GULP1: variants seen among roughly 807,000 people sequenced by gnomAD.
The protein encoded by GULP1 is GULP PTB domain containing engulfment adaptor 1.
In GULP1, 19 loss-of-function variants were observed where a neutral mutation model predicts 40.9. That is an observed-to-expected ratio of 0.46 (90% CI 0.32 to 0.68). The LOEUF (loss-of-function observed/expected upper bound fraction) is 0.68. Among genes scored for constraint, GULP1 ranks in the 30% least tolerant of loss-of-function variants. The pLI is 0.03. For missense variants in GULP1, 312 were observed against 362.2 expected (o/e 0.86, Z 1.12); for synonymous variants, 119 against 117.6 (o/e 1.01, Z -0.08).
chr2:188,527,443 C>A (rs1686454742), intron 5 of GULP1, among the ~76,000 whole-genome samples: 1 of 152,014 alleles, frequency 6.6e-6, no homozygotes, highest in African/African-American at 2.4e-5. Flanking sequence ...TGAAAACCTT[C>A]AAATTGCTTA....
intron 1 of GULP1, among the ~76,000 whole-genome samples, chr2:188,374,639 T>G (rs892259956): frequency 1.3e-5 from 2 of 152,136 alleles, no homozygotes; most frequent in African/African-American, 4.8e-5. Context: ...TTATTTTAAC[T>G]TATTCCACAT....
intron 2 of GULP1, among the ~76,000 whole-genome samples, chr2:188,465,626 T>C (rs1200115497): frequency 6.6e-6 from 1 of 152,116 alleles, no homozygotes. Flanking sequence ...TTCCAAACAC[T>C]GGGATTGGCA....
intron 1 of GULP1, among the ~76,000 whole-genome samples, chr2:188,369,350 G>T (rs551734915): frequency 1.3e-5 from 2 of 151,582 alleles, no homozygotes; most frequent in Non-Finnish European, 2.9e-5. Context: ...ATGTTAAGGA[G>T]ACCAGACAGA....
intron 5 of GULP1, among the ~76,000 whole-genome samples, chr2:188,524,486 A>C (rs899716968): frequency 9.2e-5 from 14 of 151,980 alleles, no homozygotes; most frequent in Non-Finnish European, 1.0e-4. Flanking sequence ...TTAATAAGCA[A>C]TTTTACTGTG....
At chr2:188,409,701 A>C (rs554462694) in intron 2 of GULP1, among the ~76,000 whole-genome samples, 4 of 152,312 alleles carry the variant, frequency 2.6e-5, no homozygotes, top group African/African-American at 9.6e-5. Context: ...TGGATGTAAA[A>C]ATTCTCAACA....
At chr2:188,336,836 G>A (rs910768767) in intron 1 of GULP1, among the ~76,000 whole-genome samples, 2 of 152,176 alleles carry the variant, frequency 1.3e-5, no homozygotes, top group East Asian at 1.9e-4. Context: ...AGGAGACAAG[G>A]TGAGAAGTTG....
chr2:188,554,038 C>A (rs981717748), intron 7 of GULP1, among the ~76,000 whole-genome samples: 15 of 151,834 alleles, frequency 9.9e-5, no homozygotes, highest in Admixed American at 9.9e-4. Flanking sequence ...TTTAGATATT[C>A]TCTCTTCTTG....
chr2:188,328,570 A>G, intron 1 of GULP1, among the ~76,000 whole-genome samples: 1 of 152,148 alleles, frequency 6.6e-6, no homozygotes, highest in Admixed American at 6.6e-5. Context: ...TTTCACAAGT[A>G]AAACAGATGT....
chr2:188,302,251 A>C (rs1263711571), intron 1 of GULP1, among the ~76,000 whole-genome samples: 1 of 152,140 alleles, frequency 6.6e-6, no homozygotes, highest in Non-Finnish European at 1.5e-5. Flanking sequence ...ATTTATTTTA[A>C]AATGAATAAA....
At chr2:188,473,709 G>A (rs1290988870) in intron 2 of GULP1, among the ~76,000 whole-genome samples, 1 of 152,112 alleles carries the variant, frequency 6.6e-6, no homozygotes, top group Non-Finnish European at 1.5e-5. Context: ...GTCCAGAAAT[G>A]TTGTGCAAGA....
At chr2:188,294,395 T>A (rs2034470995) in intron 1 of GULP1, 1 of 152,198 alleles carries the variant, frequency 6.6e-6, no homozygotes, top group African/African-American at 2.4e-5. Flanking sequence ...AAGTAAAAGG[T>A]GAGATGATCT....
At chr2:188,484,561 A>G (rs1212888640) in intron 4 of GULP1, among the ~76,000 whole-genome samples, 1 of 152,082 alleles carries the variant, frequency 6.6e-6, no homozygotes, top group Non-Finnish European at 1.5e-5. Flanking sequence ...TCTTTATAAG[A>G]GAACTTAAAC....
At chr2:188,514,265 T>G (rs2064954261) in intron 4 of GULP1, among the ~76,000 whole-genome samples, 1 of 152,208 alleles carries the variant, frequency 6.6e-6, no homozygotes, top group South Asian at 2.1e-4. Flanking sequence ...TGTTTAACAT[T>G]GGAAGTATTT....
intron 7 of GULP1, among the ~76,000 whole-genome samples, chr2:188,556,104 T>G (rs1694692967): frequency 6.6e-6 from 1 of 151,994 alleles, no homozygotes. Flanking sequence ...AGGTTTTCAT[T>G]GACTATTTCA....
intron 2 of GULP1, among the ~76,000 whole-genome samples, chr2:188,397,636 T>C (rs919310813): frequency 6.6e-6 from 1 of 152,230 alleles, no homozygotes; most frequent in Non-Finnish European, 1.5e-5. Flanking sequence ...TTATGAATTA[T>C]CTCACAGTTC....
intron 7 of GULP1, among the ~76,000 whole-genome samples, chr2:188,564,043 A>G (rs1010373865): frequency 3.9e-5 from 6 of 152,038 alleles, no homozygotes; most frequent in Non-Finnish European, 8.8e-5. Context: ...GCAAGTACAG[A>G]AAAGCCACTA....
chr2:188,349,674 A>T (rs1158913082), intron 1 of GULP1, among the ~76,000 whole-genome samples: 1 of 152,114 alleles, frequency 6.6e-6, no homozygotes, highest in Non-Finnish European at 1.5e-5. Flanking sequence ...CACTTTCTTG[A>T]TGTGGTCCTG....
chr2:188,455,945 T>C (rs1363833888), intron 2 of GULP1, among the ~76,000 whole-genome samples: 2 of 152,286 alleles, frequency 1.3e-5, no homozygotes, highest in East Asian at 1.9e-4. Context: ...GTGACTCTTA[T>C]TATGTTTTAG....
At chr2:188,441,006 T>G (rs1329794083) in intron 2 of GULP1, among the ~76,000 whole-genome samples, 3 of 152,158 alleles carry the variant, frequency 2.0e-5, no homozygotes, top group African/African-American at 7.2e-5. Flanking sequence ...GTGGTCCCTA[T>G]CCTAGTTTGG....
Sources: gnomAD v4.1 joint callset for allele counts (sites outside exome capture counted in the v4.1 genomes callset) on GRCh38, gnomAD v4.1.1 for gene constraint, MANE v1.5 for transcripts, NCBI Gene and HGNC (gene_info 2026-07-23, HGNC 2026-07-21) for gene names.